The following PARVA variants were observed in gnomAD, a reference collection of about 807,000 sequenced individuals.
The protein encoded by PARVA is parvin alpha.
PARVA carries 25 observed loss-of-function variants against 52.6 expected under a neutral mutation model. The ratio of observed to expected loss-of-function variants is 0.48; its 90% CI spans 0.35 to 0.66. The LOEUF (loss-of-function observed/expected upper bound fraction) is 0.66. Among genes scored for constraint, PARVA ranks in the 30% least tolerant of loss-of-function variants. The probability of loss-of-function intolerance (pLI) is 0.01; values close to 1 mark genes in which losing one functional copy is unlikely to be tolerated. For missense variants in PARVA, 373 were observed against 450.9 expected (o/e 0.83, Z 1.56); for synonymous variants, 185 against 179.1 (o/e 1.03, Z -0.26).
intron 1 of PARVA, among the ~76,000 whole-genome samples, chr11:12,395,091 CAA>C (rs901391955): frequency 4.0e-4 from 22 of 54,854 alleles, no homozygotes; most frequent in Admixed American, 4.0e-4. Context: ...AACTCCATCT[CAA>C]AAAAAAAAAA....
At position 12,534,937 on chromosome 11, in the gene PARVA, A is replaced by G. The variant is rs1023963608; in HGVS notation, c.*7012A>G. 7.9e-5 allele frequency among the ~76,000 whole-genome samples: 12 copies of G among 152,188 alleles called. No homozygotes were observed. The highest frequency in any genetic ancestry group is 1.9e-4 in the East Asian group (1 of 5,186). On this transcript the variant is annotated 3_prime_UTR_variant, in exon 13 of 13. Transcript: ENST00000334956. Reference sequence around the variant, plus strand: ...ATGTGTGTAATATTGGAGAATGTACACTCTCACTGAACTGGGGATGTTTGA... The same window carrying G: ...ATGTGTGTAATATTGGAGAATGTACGCTCTCACTGAACTGGGGATGTTTGA...
intron 1 of PARVA, among the ~76,000 whole-genome samples, chr11:12,417,189 T>G (rs1184674495): frequency 6.6e-6 from 1 of 152,198 alleles, no homozygotes; most frequent in Non-Finnish European, 1.5e-5. Context: ...GAATTTATTC[T>G]TAATAAATAG....
At chr11:12,492,352 T>A (rs954568719) in intron 4 of PARVA, among the ~76,000 whole-genome samples, 1 of 152,164 alleles carries the variant, frequency 6.6e-6, no homozygotes, top group Non-Finnish European at 1.5e-5. Context: ...CTAATACTTA[T>A]GAAGAGTTAA....
At chr11:12,382,533 T>A (rs938397359) in intron 1 of PARVA, among the ~76,000 whole-genome samples, 4 of 152,184 alleles carry the variant, frequency 2.6e-5, no homozygotes, top group African/African-American at 9.7e-5. Flanking sequence ...TGTTCAAGGA[T>A]CAACTCTATT....
At chr11:12,408,422 G>A (rs1430337231) in intron 1 of PARVA, among the ~76,000 whole-genome samples, 1 of 152,172 alleles carries the variant, frequency 6.6e-6, no homozygotes, top group Non-Finnish European at 1.5e-5. Context: ...AGCCTCTCAG[G>A]AGGCCTCTGT....
chr11:12,377,404 G>A (rs1287748114), upstream of PARVA: 4 of 1,361,114 alleles, frequency 2.9e-6, no homozygotes, highest in Middle Eastern at 2.3e-4. Flanking sequence ...CTCCCTGCTT[G>A]GGGCAACCCA....
chr11:12,395,149 A>C (rs546753449), intron 1 of PARVA, among the ~76,000 whole-genome samples: 2 of 151,848 alleles, frequency 1.3e-5, no homozygotes, highest in African/African-American at 4.8e-5. Flanking sequence ...TGGGTTTTGC[A>C]TCTTGCAGAT....
At chr11:12,502,410 A>ATT (rs11402267) in intron 5 of PARVA, among the ~76,000 whole-genome samples, 78 of 149,978 alleles carry the variant, frequency 5.2e-4, no homozygotes, top group Non-Finnish European at 2.4e-4. Flanking sequence ...CAAAATAGGC[A>ATT]TTTTTTTTTT....
intron 12 of PARVA, among the ~76,000 whole-genome samples, chr11:12,523,773 G>C (rs1370537282): frequency 6.6e-6 from 1 of 152,150 alleles, no homozygotes; most frequent in Non-Finnish European, 1.5e-5. Flanking sequence ...CTCCAGAGAG[G>C]GGCCCTGGGC....
At chr11:12,499,125 C>T (rs370486581) in intron 5 of PARVA, among the ~76,000 whole-genome samples, 125 of 152,212 alleles carry the variant, frequency 8.2e-4, no homozygotes, top group African/African-American at 3.0e-3. Context: ...GAATTACTCC[C>T]TTTAGATAAA....
chr11:12,391,527 CTG>C (rs756707400), intron 1 of PARVA, among the ~76,000 whole-genome samples: 1 of 152,186 alleles, frequency 6.6e-6, no homozygotes, highest in Non-Finnish European at 1.5e-5. Context: ...GCTTGTATCT[CTG>C]GGGTTGGAAG....
rs1941132997 is a variant in PARVA at position 12,484,541 on chromosome 11, G to A, written c.400+6592G>A. On this transcript the variant is annotated intron_variant, in intron 4 of 12. Coordinates refer to ENST00000334956, the MANE Select transcript of PARVA (RefSeq NM_018222.5). Reference sequence around the variant, plus strand: ...TGTGTGTGTGTGTGTGTGTGTGTGTGTGTGTGTGGTTTTCTTTTTCCCTGA... The same window carrying A: ...TGTGTGTGTGTGTGTGTGTGTGTGTATGTGTGTGGTTTTCTTTTTCCCTGA... Among the ~76,000 whole-genome samples the A allele has an allele frequency of 4.7e-5, 5 of 106,988 alleles. No homozygotes were observed. The Admixed American group carries it at 5.3e-4, about 11-fold the overall frequency. The allele number at this position is 106,988 out of a possible 152,430, so 70.2% of individuals were successfully genotyped here.
intron 12 of PARVA, among the ~76,000 whole-genome samples, chr11:12,523,558 A>T (rs1941664737): frequency 6.6e-6 from 1 of 152,182 alleles, no homozygotes; most frequent in Admixed American, 6.5e-5. Flanking sequence ...TGCATCCTTT[A>T]GAGATTCATG....
At chr11:12,382,176 G>A (rs549438827) in intron 1 of PARVA, among the ~76,000 whole-genome samples, 18 of 152,290 alleles carry the variant, frequency 1.2e-4, no homozygotes, top group African/African-American at 4.1e-4. Context: ...AGTTCATTTC[G>A]TGCAGTGAGG....
rs757093884 is a variant in PARVA, at chr11:12,477,958, G to A, written c.400+9G>A. The A allele has an allele frequency of 7.0e-7, 1 of 1,438,680 alleles. No homozygotes were observed. The highest frequency in any genetic ancestry group is 1.1e-5 in the South Asian group (1 of 87,532). 89.1% of individuals were successfully genotyped at this position (1,438,680 alleles called of 1,614,324 possible). On this transcript the variant is annotated intron_variant, in intron 4 of 12. Transcript: ENST00000334956. ...CCTGCAGAAGCTTTTCGGTAGGAGA[G>A]TTGAGTGCTGCAATGGATGTGTGTT...
intron 1 of PARVA, among the ~76,000 whole-genome samples, chr11:12,429,403 G>A (rs1352667801): frequency 6.6e-6 from 1 of 152,164 alleles, no homozygotes; most frequent in Non-Finnish European, 1.5e-5. Context: ...TTAACAACCA[G>A]CTTTCCAGTA....
intron 1 of PARVA, among the ~76,000 whole-genome samples, chr11:12,450,979 T>A (rs1940616739): frequency 6.6e-6 from 1 of 152,162 alleles, no homozygotes; most frequent in Non-Finnish European, 1.5e-5. Flanking sequence ...GGCAACACCC[T>A]CACAGACACA....
intron 1 of PARVA, among the ~76,000 whole-genome samples, chr11:12,414,115 C>G (rs943161846): frequency 1.8e-4 from 27 of 152,220 alleles, no homozygotes; most frequent in Admixed American, 3.9e-4. Context: ...CGTGCCAGCA[C>G]AGAACTATTA....
intron 1 of PARVA, among the ~76,000 whole-genome samples, chr11:12,392,578 A>G (rs1300454683): frequency 6.6e-6 from 1 of 152,098 alleles, no homozygotes; most frequent in Non-Finnish European, 1.5e-5. Flanking sequence ...ATTCCTTTTT[A>G]TGACTAAAAA....
Sources: allele counts gnomAD v4.1 joint callset (sites outside exome capture counted in the v4.1 genomes callset), GRCh38; gene constraint gnomAD v4.1.1; transcripts MANE v1.5; gene names NCBI Gene and HGNC (gene_info 2026-07-23, HGNC 2026-07-21).